DYRK3: variants seen among roughly 807,000 people sequenced by gnomAD.
The protein encoded by DYRK3 is dual specificity tyrosine-phosphorylation-regulated kinase 3.
DYRK3 carries 30 observed loss-of-function variants against 40.8 expected under a neutral mutation model. That is an observed-to-expected ratio of 0.74 (90% CI 0.55 to 1.00). DYRK3 has a LOEUF of 1.00. DYRK3 is among the 50% of genes least tolerant of loss of function. The pLI is 0.00. For synonymous variants in DYRK3, 272 were observed against 260.7 expected (o/e 1.04, Z -0.42); for missense variants, 699 against 731.5 (o/e 0.96, Z 0.51).
rs998115807 is a variant in DYRK3, at chr1:206,635,656, C to T, written c.-48C>T. The T allele has an allele frequency of 2.4e-6, 3 of 1,243,882 alleles. No individual in the cohort carries two copies. Among genetic ancestry groups the T allele is most frequent in the African/African-American group, 1.6e-5 (1 of 64,452 alleles). 77.1% of individuals were successfully genotyped at this position (1,243,882 alleles called of 1,614,324 possible). A position where few individuals can be genotyped will look rare whatever the true frequency, so the allele number is the denominator to read the frequency against. ...TCCCGGCGTAGGTGGCGTGGCCGAC[C>T]GGACCCCCAACTGGCGCCTCTCCCC... is the stretch of plus-strand genomic sequence containing the variant. On this transcript the variant is annotated 5_prime_UTR_variant, in exon 1 of 3. Transcript: ENST00000367109.
intron 2 of DYRK3, 76 bp downstream of exon 2, chr1:206,637,837 C>G: frequency 1.8e-6 from 2 of 1,139,490 alleles, no homozygotes; most frequent in Non-Finnish European, 2.6e-6. Flanking sequence ...TCAAGGTACA[C>G]TTATGTATCA....
intron 2 of DYRK3, 134 bp downstream of exon 2, chr1:206,637,895 T>C: frequency 1.7e-6 from 1 of 598,936 alleles, no homozygotes; most frequent in Non-Finnish European, 2.8e-6. Flanking sequence ...CTCTTGACTT[T>C]GGAATAACAA....
rs1210616714 is a variant in DYRK3 at position 206,650,614 on chromosome 1, C to A, written c.*1649C>A. Among the ~76,000 whole-genome samples the A allele has an allele frequency of 7.3e-6, 1 of 137,356 alleles. No individual in the cohort carries two copies. The highest frequency in any genetic ancestry group is 1.9e-4 in the East Asian group (1 of 5,168). The allele number at this position is 137,356 out of a possible 152,430, so 90.1% of individuals were successfully genotyped here. ...TTTACAATATAGTTCTCAGAATGAT[C>A]CAGTTCCATTTATTATTCTAGAATG... On this transcript the variant is annotated 3_prime_UTR_variant, in exon 3 of 3. Transcript: ENST00000367109.
chr1:206,649,019 ACCTGC>A lies in DYRK3; in HGVS notation c.*55_*59del. On this transcript the variant is annotated 3_prime_UTR_variant, in exon 3 of 3. Transcript: ENST00000367109. ...TGTGTATATTTTTATGATCTTACAA[ACCTGC>A]AAATGGAAAAAATGCAAGCCCATTG... 6.7e-7 allele frequency: 1 copy of A among 1,492,156 alleles called. No homozygotes were observed. Among genetic ancestry groups the A allele is most frequent in the Admixed American group, 2.2e-5 (1 of 45,862 alleles). 92.4% of individuals were successfully genotyped at this position (1,492,156 alleles called of 1,614,324 possible).
In DYRK3 at chr1:206,647,835, A is replaced by G. The variant is rs1671501819; in HGVS notation, c.637A>G (p.Lys213Glu). Residue 213 changes from lysine to glutamate, a missense_variant, in exon 3 of 3, where the codon AAA becomes GAA. Transcript: ENST00000367109. ...TCTAGCTTATCGATATGAGGTGCTG[A>G]AAATTATTGGCAAGGGGAGTTTTGG... ...DHLAYRYEVLKIIGKGSFGQV... is the reference protein window; with the variant it reads ...DHLAYRYEVLEIIGKGSFGQV... The G allele has an allele frequency of 6.2e-7, 1 of 1,614,172 alleles. No homozygotes were observed. Among genetic ancestry groups the G allele is most frequent in the Non-Finnish European group, 8.5e-7 (1 of 1,180,032 alleles).
intron 2 of DYRK3, among the ~76,000 whole-genome samples, chr1:206,646,622 G>C (rs1239094095): frequency 6.6e-6 from 1 of 152,200 alleles, no homozygotes; most frequent in African/African-American, 2.4e-5. Context: ...AAAGGCTACA[G>C]TAATTTATAT....
chr1:206,645,617 G>A (rs1415693926), intron 2 of DYRK3, among the ~76,000 whole-genome samples: 9 of 151,268 alleles, frequency 5.9e-5, no homozygotes, highest in African/African-American at 1.9e-4. Context: ...AGGTTCAAGC[G>A]ATTCTCCTGC....
In DYRK3 at chr1:206,649,737, C is replaced by G. The variant is rs1265434986; in HGVS notation, c.*772C>G. ...AACAGCTTCTCTGCCACAATTGACC[C>G]AGAGTGGTAAAGATAGAGAATCAGC... On this transcript the variant is annotated 3_prime_UTR_variant, in exon 3 of 3. Coordinates refer to ENST00000367109, the MANE Select transcript of DYRK3 (RefSeq NM_003582.4). Among the ~76,000 whole-genome samples, 1 of 152,198 alleles carries G rather than the reference C, an allele frequency of 6.6e-6. No individual in the cohort carries two copies. Among genetic ancestry groups the G allele is most frequent in the Non-Finnish European group, 1.5e-5 (1 of 68,030 alleles).
Position 206,635,766 on chromosome 1 carries a change from G to A in DYRK3, c.63G>A (p.Pro21=). The change falls in exon 1 of 3, where the codon CCG becomes CCA. Residue 21 remains proline, a synonymous_variant. Transcript: ENST00000367109. ...KDAGPPGAGL[P]PQQRRLGDGV... ...CGGGGCCGCCTGGGGCCGGGCTCCC[G>A]CCCCAGCAGCGGAGGTAACGGCGCC... 2 of 1,244,408 alleles carry A rather than the reference G, an allele frequency of 1.6e-6. No individual in the cohort carries two copies. Among genetic ancestry groups the A allele is most frequent in the Middle Eastern group, 2.8e-4 (1 of 3,556 alleles). 77.1% of individuals were successfully genotyped at this position (1,244,408 alleles called of 1,614,324 possible).
rs567048952 is a variant in DYRK3, at chr1:206,648,240, C to T, written c.1042C>T (p.Arg348Cys). The T allele has an allele frequency of 7.1e-5, 115 of 1,614,156 alleles. 1 individual carries two copies. Among genetic ancestry groups the T allele is most frequent in the South Asian group, 2.5e-4 (23 of 91,086 alleles). ...AAACATTCTCCTGAAACACCACGGG[C>T]GCAGTTCAACCAAGGTCATTGACTT... ...PENILLKHHG[R>C]SSTKVIDFGS... The change falls in exon 3 of 3, where the codon CGC (arginine) becomes TGC (cysteine). Residue 348 changes from arginine to cysteine, a missense_variant. Coordinates refer to ENST00000367109, the MANE Select transcript of DYRK3 (RefSeq NM_003582.4).
rs200569192 is a variant in DYRK3 at position 206,648,587 on chromosome 1, G to C, written c.1389G>C (p.Val463=). 16 of 1,614,010 alleles carry C rather than the reference G, an allele frequency of 9.9e-6. No homozygotes were observed. Among genetic ancestry groups the C allele is most frequent in the Non-Finnish European group, 1.3e-5 (15 of 1,180,000 alleles). The change falls in exon 3 of 3, where the codon GTG becomes GTC. Residue 463 remains valine (V), a synonymous_variant. Coordinates refer to ENST00000367109, the MANE Select transcript of DYRK3 (RefSeq NM_003582.4). ...SVTTQADGRV[V]LVGGRSRRGK... ...CTACCCAGGCAGATGGGAGGGTTGT[G>C]CTTGTGGGGGGTCGCTCACGTAGGG...
intron 2 of DYRK3, among the ~76,000 whole-genome samples, chr1:206,638,972 C>T (rs7525117): frequency 0.015 from 2,263 of 151,326 alleles, 56 homozygotes; most frequent in African/African-American, 0.051. Context: ...CTCCACCTCC[C>T]GGGTCCAAGC....
intron 2 of DYRK3, among the ~76,000 whole-genome samples, chr1:206,639,713 G>A (rs1336375747): frequency 6.6e-6 from 1 of 151,828 alleles, no homozygotes; most frequent in East Asian, 1.9e-4. Context: ...ACCCACCTCA[G>A]CTCCCCAAAG....
At position 206,651,353 on chromosome 1, in the gene DYRK3, T is replaced by A. The variant is rs1430133655; in HGVS notation, c.*2388T>A. On this transcript the variant is annotated 3_prime_UTR_variant, in exon 3 of 3. Coordinates refer to ENST00000367109, the MANE Select transcript of DYRK3 (RefSeq NM_003582.4). ...TGGGAATTTTGCAGGTGCTAAATCA[T>A]CATGGCCAGGAAGATGAAACACCTT... Among the ~76,000 whole-genome samples the A allele has an allele frequency of 6.6e-6, 1 of 152,218 alleles. No individual in the cohort carries two copies. Among genetic ancestry groups the A allele is most frequent in the African/African-American group, 2.4e-5 (1 of 41,456 alleles).
intron 2 of DYRK3, among the ~76,000 whole-genome samples, chr1:206,642,922 AATAATAATAATAAAAAT>A (rs1202131402): frequency 1.3e-5 from 2 of 151,272 alleles, no homozygotes; most frequent in Admixed American, 6.6e-5. Context: ...TATAACTTAT[AATAATAATAATAAAAAT>A]ATAATAATAA....
intron 1 of DYRK3, among the ~76,000 whole-genome samples, chr1:206,636,425 T>C (rs1203026252): frequency 6.6e-6 from 1 of 152,226 alleles, no homozygotes; most frequent in East Asian, 1.9e-4. Context: ...TGTGGACGCC[T>C]ATCCTGGTTT....
intron 1 of DYRK3, among the ~76,000 whole-genome samples, chr1:206,637,157 C>G (rs1337398412): frequency 6.6e-6 from 1 of 152,194 alleles, no homozygotes; most frequent in Non-Finnish European, 1.5e-5. Flanking sequence ...AGCTAGTCTT[C>G]CCATTAACAT....
intron 2 of DYRK3, among the ~76,000 whole-genome samples, chr1:206,642,388 A>G (rs533902515): frequency 1.4e-3 from 211 of 152,200 alleles, no homozygotes; most frequent in African/African-American, 4.8e-3. Context: ...TCAAGGATCT[A>G]GAACTAGAAA....
At chr1:206,644,010 G>A (rs1291829597) in intron 2 of DYRK3, among the ~76,000 whole-genome samples, 7 of 149,660 alleles carry the variant, frequency 4.7e-5, no homozygotes, top group African/African-American at 1.7e-4. Flanking sequence ...TGAGGCTCAG[G>A]AAGGCAACAG....
Sources: gnomAD v4.1 joint callset for allele counts (sites outside exome capture counted in the v4.1 genomes callset) on GRCh38, gnomAD v4.1.1 for gene constraint, MANE v1.5 for transcripts, NCBI Gene and HGNC (gene_info 2026-07-23, HGNC 2026-07-21) for gene names.